The following SORCS2 variants were observed in gnomAD, a reference collection of about 807,000 sequenced individuals.
SORCS2 encodes sortilin related VPS10 domain containing receptor 2.
SORCS2 carries 100 observed loss-of-function variants against 141.6 expected under a neutral mutation model. The observed-to-expected ratio is 0.71, with a 90% CI of 0.60 to 0.83. The LOEUF (loss-of-function observed/expected upper bound fraction) is 0.83. Among genes scored for constraint, SORCS2 ranks in the 40% least tolerant of loss-of-function variants. The pLI is 0.00. For missense variants in SORCS2, 1,646 were observed against 1,560.2 expected (o/e 1.05, Z -0.93); for synonymous variants, 789 against 676.9 (o/e 1.17, Z -2.57).
chr4:7,374,736 C>CAGTGT (rs1722528663), intron 1 of SORCS2, among the ~76,000 whole-genome samples: 1 of 152,176 alleles, frequency 6.6e-6, no homozygotes, highest in Admixed American at 6.5e-5. Context: ...GTCTCGGTCA[C>CAGTGT]CTCCCTGGCA....
rs1713017088 is a variant in SORCS2 at position 7,245,404 on chromosome 4, T to C, written c.480+52278T>C. ...CGGGATGCCCGTTTCAGGACTGATA[T>C]GGAATTTTTCTGGTGGAACAATTAG... On this transcript the variant is annotated intron_variant, in intron 1 of 26. Transcript: ENST00000507866. 2.0e-5 allele frequency among the ~76,000 whole-genome samples: 3 copies of C among 152,234 alleles called. No homozygotes were observed. In the South Asian group the frequency reaches 6.2e-4, roughly 31 times the overall value.
At chr4:7,585,751 C>T (rs988483662) in intron 3 of SORCS2, among the ~76,000 whole-genome samples, 1 of 152,220 alleles carries the variant, frequency 6.6e-6, no homozygotes, top group Non-Finnish European at 1.5e-5. Context: ...TAGGGTACAT[C>T]TCCAAGGACT....
intron 3 of SORCS2, among the ~76,000 whole-genome samples, chr4:7,629,608 T>G (rs913589819): frequency 2.0e-5 from 3 of 146,654 alleles, no homozygotes; most frequent in African/African-American, 7.5e-5. Context: ...CCCTCTGATC[T>G]CCATCCTAGG....
intron 1 of SORCS2, among the ~76,000 whole-genome samples, chr4:7,219,151 G>C (rs1728548673): frequency 7.7e-6 from 1 of 129,176 alleles, no homozygotes; most frequent in Non-Finnish European, 1.6e-5. Context: ...ATTGGATTTA[G>C]CTGATCTTTT....
rs1722459241 is a variant in SORCS2, at chr4:7,374,121, T to TTCCC, written c.481-22165_481-22164insCCTC. 1.6e-3 allele frequency among the ~76,000 whole-genome samples: 33 copies of TTCCC among 20,174 alleles called. 1 individual carries two copies. The highest frequency in any genetic ancestry group is 6.1e-3 in the African/African-American group (30 of 4,926). The allele number at this position is 20,174 out of a possible 152,430, so 13.2% of individuals were successfully genotyped here. A position where few individuals can be genotyped will look rare whatever the true frequency, so the allele number is the denominator to read the frequency against. On this transcript the variant is annotated intron_variant, in intron 1 of 26. Transcript: ENST00000507866. ...GTTAGGATTGAGATTCTTTCTTTCT[T>TTCCC]TCTTTCCCTCTTTCTTTCTTTCTTT...
chr4:7,326,062 G>A (rs1440898192), intron 1 of SORCS2, among the ~76,000 whole-genome samples: 5 of 152,162 alleles, frequency 3.3e-5, no homozygotes, highest in Non-Finnish European at 5.9e-5. Flanking sequence ...CAGCAGGGAA[G>A]GGTGTCAGGA....
Position 7,548,846 on chromosome 4 carries a change from G to C in SORCS2, c.648+17217G>C, listed in dbSNP as rs149907632. On this transcript the variant is annotated intron_variant, in intron 3 of 26. Transcript: ENST00000507866. ...GCCACATCTAACATGAGACACTGAGGAAGGCAATAGCCTAAAATCCTACTC... is the reference window on the plus strand; with the variant it reads ...GCCACATCTAACATGAGACACTGAGCAAGGCAATAGCCTAAAATCCTACTC... Among the ~76,000 whole-genome samples, 792 of 152,312 alleles carry C rather than the reference G, an allele frequency of 5.2e-3. 4 individuals are homozygous for C. The highest frequency in any genetic ancestry group is 9.5e-3 in the Non-Finnish European group (647 of 68,036).
chr4:7,245,327 C>T (rs568870604), intron 1 of SORCS2, among the ~76,000 whole-genome samples: 8 of 152,362 alleles, frequency 5.3e-5, no homozygotes, highest in East Asian at 3.9e-4. Flanking sequence ...TGTGGACATG[C>T]GGTTCTCATC....
chr4:7,492,320 C>T (rs1470843614), intron 2 of SORCS2, among the ~76,000 whole-genome samples: 3 of 152,194 alleles, frequency 2.0e-5, no homozygotes, highest in African/African-American at 4.8e-5. Context: ...TATGAGGTCG[C>T]GCGGTATTTG....
chr4:7,406,662 TC>T (rs1724988641), intron 2 of SORCS2, among the ~76,000 whole-genome samples: 9 of 152,000 alleles, frequency 5.9e-5, no homozygotes, highest in African/African-American at 2.2e-4. Context: ...ATTTTGTTTA[TC>T]TTTTCAAAAG....
chr4:7,693,687 C>G (rs1349051820), intron 11 of SORCS2, among the ~76,000 whole-genome samples: 1 of 152,232 alleles, frequency 6.6e-6, no homozygotes, highest in Non-Finnish European at 1.5e-5. Context: ...CTTGAGGGGG[C>G]CGTTTGGGAG....
At chr4:7,728,535 G>C in intron 22 of SORCS2, 73 bp downstream of exon 22, 1 of 1,111,260 alleles carries the variant, frequency 9.0e-7, no homozygotes, top group Non-Finnish European at 1.3e-6. Flanking sequence ...AAGGGCCCCG[G>C]GGTGCTCAGG....
chr4:7,672,809 T>G (rs1389116694), intron 8 of SORCS2, among the ~76,000 whole-genome samples: 1 of 152,254 alleles, frequency 6.6e-6, no homozygotes, highest in African/African-American at 2.4e-5. Flanking sequence ...TGCAACTACA[T>G]GTGGTCATGC....
At chr4:7,532,827 C>T (rs138443034) in intron 3 of SORCS2, among the ~76,000 whole-genome samples, 31 of 152,110 alleles carry the variant, frequency 2.0e-4, no homozygotes, top group African/African-American at 6.5e-4. Context: ...TGTTTTGTTT[C>T]GTTTTTTTCT....
intron 3 of SORCS2, among the ~76,000 whole-genome samples, chr4:7,561,010 G>T (rs1283964718): frequency 6.6e-6 from 1 of 152,114 alleles, no homozygotes; most frequent in Non-Finnish European, 1.5e-5. Context: ...TTAATGTATG[G>T]GGGTGGCAGT....
intron 1 of SORCS2, among the ~76,000 whole-genome samples, chr4:7,319,071 C>CT (rs1371225378): frequency 6.6e-6 from 1 of 152,086 alleles, no homozygotes; most frequent in South Asian, 2.1e-4. Flanking sequence ...GTAGTTTGTT[C>CT]TTTTTTACTG....
chr4:7,361,808 G>T (rs547008347), intron 1 of SORCS2, among the ~76,000 whole-genome samples: 251 of 151,952 alleles, frequency 1.7e-3, no homozygotes, highest in African/African-American at 5.7e-3. Context: ...TGCTAATGCC[G>T]GGCAAGGCTA....
chr4:7,336,071 C>G (rs1560201467), intron 1 of SORCS2, among the ~76,000 whole-genome samples: 1 of 152,220 alleles, frequency 6.6e-6, no homozygotes, highest in Non-Finnish European at 1.5e-5. Flanking sequence ...CTCACTTGCC[C>G]TCCTGGAGTG....
At chr4:7,672,022 C>A (rs1025207090) in intron 8 of SORCS2, among the ~76,000 whole-genome samples, 32 of 150,724 alleles carry the variant, frequency 2.1e-4, no homozygotes, top group Non-Finnish European at 4.3e-4. Flanking sequence ...CAGCTCACTG[C>A]AACCTCCACC....
Sources: gnomAD v4.1 joint callset for allele counts (sites outside exome capture counted in the v4.1 genomes callset) on GRCh38, gnomAD v4.1.1 for gene constraint, MANE v1.5 for transcripts, NCBI Gene and HGNC (gene_info 2026-07-23, HGNC 2026-07-21) for gene names.